The following XPR1 variants were observed in gnomAD, a reference collection of about 807,000 sequenced individuals.
XPR1 encodes xenotropic and polytropic retrovirus receptor 1.
Under a neutral mutation model 87.5 loss-of-function variants are expected in XPR1, and 28 were observed. The observed-to-expected ratio is 0.32, with a 90% CI of 0.24 to 0.44. The LOEUF is 0.44. XPR1 is among the 20% of genes least tolerant of loss of function. The pLI is 1.00. For missense variants in XPR1, 559 were observed against 862.3 expected (o/e 0.65, Z 4.41); for synonymous variants, 300 against 306.1 (o/e 0.98, Z 0.21).
chr1:180,811,566 T>G (rs1345053237), intron 7 of XPR1, 78 bp downstream of exon 7: 1 of 1,096,568 alleles, frequency 9.1e-7, no homozygotes, highest in African/African-American at 1.6e-5. Context: ...TAAGGAATTA[T>G]GCATGCAACT....
chr1:180,771,141 C>T (rs1322927384), intron 2 of XPR1, among the ~76,000 whole-genome samples: 1 of 152,092 alleles, frequency 6.6e-6, no homozygotes, highest in Non-Finnish European at 1.5e-5. Flanking sequence ...TGGTGCCTGG[C>T]ATATAGTAGA....
At chr1:180,882,473 C>T (rs1652875733) in intron 14 of XPR1, among the ~76,000 whole-genome samples, 1 of 152,218 alleles carries the variant, frequency 6.6e-6, no homozygotes, top group African/African-American at 2.4e-5. Flanking sequence ...CCTCCCACCT[C>T]AGCCTCCCAA....
chr1:180,753,716 T>A (rs1343248219), intron 2 of XPR1, among the ~76,000 whole-genome samples: 1 of 152,222 alleles, frequency 6.6e-6, no homozygotes, highest in Non-Finnish European at 1.5e-5. Context: ...CAGTTTGATA[T>A]ATATCTATAT....
intron 4 of XPR1, 42 bp from the exon 5 acceptor site, chr1:180,806,020 G>A: frequency 6.3e-7 from 1 of 1,589,680 alleles, no homozygotes. Context: ...CATTTTTGAT[G>A]GTAGTAGAAA....
chr1:180,689,982 C>T (rs1358871109), intron 2 of XPR1, among the ~76,000 whole-genome samples: 1 of 151,968 alleles, frequency 6.6e-6, no homozygotes, highest in Non-Finnish European at 1.5e-5. Flanking sequence ...ATGGTGAAAT[C>T]ACGTCTCTAC....
chr1:180,633,432 T>A (rs1654661115), intron 1 of XPR1, among the ~76,000 whole-genome samples: 2 of 152,258 alleles, frequency 1.3e-5, no homozygotes, highest in African/African-American at 4.8e-5. Context: ...ATTTTAGTTC[T>A]CCATTTAATT....
intron 11 of XPR1, among the ~76,000 whole-genome samples, chr1:180,841,351 G>A (rs1651507624): frequency 6.6e-6 from 1 of 151,348 alleles, no homozygotes; most frequent in South Asian, 2.1e-4. Context: ...GTAGTTCTCA[G>A]TTCTATTCTT....
intron 7 of XPR1, among the ~76,000 whole-genome samples, chr1:180,820,411 G>A (rs140436174): frequency 3.3e-5 from 5 of 152,136 alleles, no homozygotes; most frequent in Non-Finnish European, 5.9e-5. Flanking sequence ...TTTAGTTGGC[G>A]TAATGTTTTC....
At chr1:180,714,363 CT>C (rs777554160) in intron 2 of XPR1, among the ~76,000 whole-genome samples, 4,803 of 136,040 alleles carry the variant, frequency 0.035, 142 homozygotes, top group African/African-American at 0.078. Context: ...CTCTCTCTCT[CT>C]CTCTCTCTCT....
intron 1 of XPR1, among the ~76,000 whole-genome samples, chr1:180,633,939 A>G (rs190820081): frequency 6.6e-6 from 1 of 152,356 alleles, no homozygotes; most frequent in Non-Finnish European, 1.5e-5. Context: ...CAGAAGTAAT[A>G]GTGGCTGGAT....
At chr1:180,872,437 G>T (rs1333185619) in intron 12 of XPR1, among the ~76,000 whole-genome samples, 1 of 15,070 alleles carries the variant, frequency 6.6e-5, no homozygotes, top group Admixed American at 6.8e-4. Flanking sequence ...CTTGCCGTTT[G>T]ATCTCAGACT....
intron 2 of XPR1, among the ~76,000 whole-genome samples, chr1:180,727,872 T>C (rs376260193): frequency 1.3e-5 from 2 of 152,280 alleles, no homozygotes; most frequent in South Asian, 4.1e-4. Flanking sequence ...ATGGTGCTGG[T>C]GGGAGTGTAG....
chr1:180,680,470 A>T (rs1656536038), intron 1 of XPR1, among the ~76,000 whole-genome samples: 1 of 143,798 alleles, frequency 7.0e-6, no homozygotes, highest in Non-Finnish European at 1.5e-5. Flanking sequence ...GGTTCAAGCG[A>T]TTCTCCTGTC....
intron 2 of XPR1, among the ~76,000 whole-genome samples, chr1:180,712,034 A>G (rs1018036704): frequency 1.3e-5 from 2 of 152,338 alleles, no homozygotes; most frequent in Admixed American, 6.5e-5. Context: ...CAAGACCCCC[A>G]GTGGATGCCT....
intron 1 of XPR1, among the ~76,000 whole-genome samples, chr1:180,676,886 A>T (rs535781545): frequency 1.3e-5 from 2 of 152,196 alleles, no homozygotes; most frequent in Non-Finnish European, 2.9e-5. Context: ...GATGTGGTCC[A>T]TTAATAAAGG....
At chr1:180,692,592 A>T (rs960147921) in intron 2 of XPR1, among the ~76,000 whole-genome samples, 3 of 152,156 alleles carry the variant, frequency 2.0e-5, no homozygotes, top group African/African-American at 7.2e-5. Flanking sequence ...CAGCTTGTAG[A>T]TAACAAGAAC....
intron 1 of XPR1, among the ~76,000 whole-genome samples, chr1:180,635,058 TAAC>T (rs889435008): frequency 2.6e-5 from 4 of 152,080 alleles, no homozygotes; most frequent in African/African-American, 9.7e-5. Context: ...TTAATGATAA[TAAC>T]CCATCAATAT....
chr1:180,705,814 A>G (rs575062141), intron 2 of XPR1, among the ~76,000 whole-genome samples: 4 of 152,350 alleles, frequency 2.6e-5, no homozygotes, highest in East Asian at 3.9e-4. Context: ...TTAACAATAC[A>G]AAAGTAACAC....
intron 1 of XPR1, among the ~76,000 whole-genome samples, chr1:180,657,525 A>C (rs1655577089): frequency 1.3e-5 from 2 of 152,196 alleles, no homozygotes; most frequent in African/African-American, 4.8e-5. Context: ...CAGTTTTCCC[A>C]GTACCACTTA....
Sources: allele counts gnomAD v4.1 joint callset (sites outside exome capture counted in the v4.1 genomes callset), GRCh38; gene constraint gnomAD v4.1.1; transcripts MANE v1.5; gene names NCBI Gene and HGNC (gene_info 2026-07-23, HGNC 2026-07-21).